The following IFT88 variants were observed in gnomAD, a reference collection of about 807,000 sequenced individuals.
IFT88 encodes the protein intraflagellar transport protein 88 homolog.
In IFT88, 74 loss-of-function variants were observed where a neutral mutation model predicts 119.5. That is an observed-to-expected ratio of 0.62 (90% CI 0.51 to 0.75). IFT88 has a LOEUF of 0.75. IFT88 is among the 30% of genes least tolerant of loss of function. The probability of loss-of-function intolerance (pLI) is 0.00; values close to 1 mark genes in which losing one functional copy is unlikely to be tolerated. For missense variants in IFT88, 961 were observed against 977.7 expected, an observed-to-expected ratio of 0.98 and a Z score of 0.23; for synonymous variants, 279 against 316.7, an observed-to-expected ratio of 0.88 and a Z score of 1.26.
chr13:20,607,297 C>T, intron 13 of IFT88: 1 of 448,912 alleles, frequency 2.2e-6, no homozygotes, highest in Non-Finnish European at 4.5e-6. Flanking sequence ...TGCCACTCAC[C>T]TTCGGCAAGT....
At chr13:20,615,520 T>C (rs2045462405) in intron 13 of IFT88, among the ~76,000 whole-genome samples, 1 of 152,184 alleles carries the variant, frequency 6.6e-6, no homozygotes, top group Non-Finnish European at 1.5e-5. Flanking sequence ...GTTTCTCCAG[T>C]ATCTCTTCAG....
Position 20,587,367 on chromosome 13 carries a change from C to A in IFT88, c.154-2444C>A, listed in dbSNP as rs142357095. Among the ~76,000 whole-genome samples, 936 of 152,116 alleles carry A rather than the reference C, an allele frequency of 6.2e-3. 8 individuals are homozygous for A. Among genetic ancestry groups the A allele is most frequent in the African/African-American group, 0.02 (814 of 41,486 alleles). ...CCACCTCCTGGGTTCAAGCAATTCT[C>A]GGGCCTCAGCCTCCTGAGTAGCTGA... On this transcript the variant is annotated intron_variant, in intron 3 of 25. Coordinates refer to ENST00000351808, the MANE Select transcript of IFT88 (RefSeq NM_006531.5).
chr13:20,643,614 GTTATC>G lies in IFT88; in HGVS notation c.1833+13_1833+17del. 3.2e-6 allele frequency: 5 copies of G among 1,570,268 alleles called. No individual in the cohort carries two copies. Among genetic ancestry groups the G allele is most frequent in the Non-Finnish European group, 4.3e-6 (5 of 1,155,540 alleles). On this transcript the variant is annotated intron_variant, in intron 19 of 25. Transcript: ENST00000351808. ...TTCAATATTACTATGAGGTAGGTGT[GTTATC>G]TTAATTTCCTTCTGTGTTTTAGCAT... is the stretch of plus-strand genomic sequence containing the variant.
chr13:20,651,721 C>T lies in IFT88; in HGVS notation c.1950-2155C>T, dbSNP rs541441164. Among the ~76,000 whole-genome samples, 230 of 151,910 alleles carry T rather than the reference C, an allele frequency of 1.5e-3. 1 individual carries two copies. The highest frequency in any genetic ancestry group is 5.4e-3 in the African/African-American group (223 of 41,452). On this transcript the variant is annotated intron_variant, in intron 20 of 25. Transcript: ENST00000351808. ...ATTAGTTATTATTATTAACCTCTTA[C>T]CATGCCTAAGGTATAAATTGAACTT...
At chr13:20,647,665 A>G (rs2050953525) in intron 20 of IFT88, among the ~76,000 whole-genome samples, 1 of 152,188 alleles carries the variant, frequency 6.6e-6, no homozygotes, top group Non-Finnish European at 1.5e-5. Context: ...AGCATTAGGT[A>G]ATGTTCTTTA....
intron 18 of IFT88, 43 bp downstream of exon 18, chr13:20,641,441 A>G: frequency 8.6e-7 from 1 of 1,161,394 alleles, no homozygotes; most frequent in Non-Finnish European, 1.3e-6. Flanking sequence ...TAATTCTCTC[A>G]ATTGGTGATT....
intron 24 of IFT88, among the ~76,000 whole-genome samples, chr13:20,675,142 G>A (rs779264020): frequency 6.6e-6 from 1 of 152,126 alleles, no homozygotes; most frequent in Non-Finnish European, 1.5e-5. Context: ...AAGGGAGGAC[G>A]AGACAAGGAG....
intron 3 of IFT88, among the ~76,000 whole-genome samples, chr13:20,583,968 T>C (rs1293315295): frequency 6.6e-6 from 1 of 152,194 alleles, no homozygotes; most frequent in Non-Finnish European, 1.5e-5. Flanking sequence ...GGGCTTTCTA[T>C]GCTGTTCTAT....
intron 11 of IFT88, 22 bp from the exon 12 acceptor site, chr13:20,601,683 A>C (rs753591832): frequency 6.0e-6 from 9 of 1,496,916 alleles, no homozygotes; most frequent in Non-Finnish European, 8.3e-6. Context: ...TTTTAAAGCT[A>C]ATCCATGTCT....
At chr13:20,638,819 T>C (rs1433460619) in intron 17 of IFT88, among the ~76,000 whole-genome samples, 1 of 152,234 alleles carries the variant, frequency 6.6e-6, no homozygotes, top group Admixed American at 6.5e-5. Context: ...TTATCATTCT[T>C]TTTAACTTTT....
chr13:20,599,871 T>A (rs1165947272), intron 11 of IFT88, among the ~76,000 whole-genome samples: 4 of 151,848 alleles, frequency 2.6e-5, no homozygotes, highest in Non-Finnish European at 3.0e-5. Context: ...ATAGCAGTCC[T>A]CCAGAACATA....
In IFT88 at chr13:20,643,404, A is replaced by G. The variant is rs758981279; in HGVS notation, c.1683-51A>G. 7.8e-6 allele frequency: 11 copies of G among 1,410,068 alleles called. No homozygotes were observed. The Admixed American group carries it at 8.2e-5, about 10-fold the overall frequency. The allele number at this position is 1,410,068 out of a possible 1,614,324, so 87.3% of individuals were successfully genotyped here. A position where few individuals can be genotyped will look rare whatever the true frequency, so the allele number is the denominator to read the frequency against. ...ACTGTAATGTTTTTTAAGTTTGCTT[A>G]TTGCTTAATGAATTTAGAAAACATG... is the stretch of plus-strand genomic sequence containing the variant. On this transcript the variant is annotated intron_variant, in intron 18 of 25. Transcript: ENST00000351808.
intron 12 of IFT88, among the ~76,000 whole-genome samples, chr13:20,604,078 T>TA (rs1181175237): frequency 2.0e-5 from 3 of 151,316 alleles, no homozygotes; most frequent in Non-Finnish European, 2.9e-5. Context: ...AAATAACAAA[T>TA]AAAAAAAATA....
chr13:20,669,591 T>C (rs1441623920), intron 23 of IFT88, among the ~76,000 whole-genome samples: 1 of 152,010 alleles, frequency 6.6e-6, no homozygotes, highest in East Asian at 1.9e-4. Context: ...ACCCGGCTAA[T>C]TTTTATATTT....
At chr13:20,573,322 T>C (rs2036750620) in intron 1 of IFT88, among the ~76,000 whole-genome samples, 1 of 152,024 alleles carries the variant, frequency 6.6e-6, no homozygotes, top group Non-Finnish European at 1.5e-5. Context: ...GCCCACTCCC[T>C]GCCCCACTTT....
At chr13:20,627,617 G>C (rs764714619) in intron 15 of IFT88, among the ~76,000 whole-genome samples, 1 of 150,850 alleles carries the variant, frequency 6.6e-6, no homozygotes, top group Non-Finnish European at 1.5e-5. Context: ...TGTAGTCCCA[G>C]CTACTCGGGA....
intron 8 of IFT88, 99 bp from the exon 9 acceptor site, chr13:20,596,916 T>C (rs1426379345): frequency 4.8e-6 from 3 of 627,400 alleles, no homozygotes; most frequent in Non-Finnish European, 8.1e-6. Flanking sequence ...AATCTGAGGA[T>C]AGAAAATGAA....
intron 15 of IFT88, among the ~76,000 whole-genome samples, 194 bp downstream of exon 15, chr13:20,626,043 C>CTTTCTTTTTTTTTTTTTTTTTTT (rs2047249498): frequency 2.5e-5 from 1 of 39,540 alleles, no homozygotes; most frequent in Non-Finnish European, 4.1e-5. Context: ...TTTGTCGTTT[C>CTTTCTTTTTTTTTTTTTTTTTTT]TTTTTTTTTT....
chr13:20,650,092 T>C (rs1594632393), intron 20 of IFT88, among the ~76,000 whole-genome samples: 1 of 152,118 alleles, frequency 6.6e-6, no homozygotes, highest in Admixed American at 6.6e-5. Flanking sequence ...CTCTCCTAAA[T>C]ATTGAAGAGA....
Sources: gnomAD v4.1 joint callset for allele counts (sites outside exome capture counted in the v4.1 genomes callset) on GRCh38, gnomAD v4.1.1 for gene constraint, MANE v1.5 for transcripts, NCBI Gene and HGNC (gene_info 2026-07-23, HGNC 2026-07-21) for gene names.